Variants in FAM186A observed in about 807,000 individuals in gnomAD.
The protein encoded by FAM186A is family with sequence similarity 186 member A, also known as protein FAM186A.
FAM186A carries 163 observed loss-of-function variants against 216.8 expected under a neutral mutation model. That is an observed-to-expected ratio of 0.75 (90% CI 0.66 to 0.86). The LOEUF (loss-of-function observed/expected upper bound fraction) is 0.86. Ranked by LOEUF, FAM186A falls within the 40% of genes least tolerant of loss-of-function variation. FAM186A has a pLI of 0.00. For synonymous variants in FAM186A, 805 were observed against 1,025.3 expected, an observed-to-expected ratio of 0.79 and a Z score of 4.10; for missense variants, 2,184 against 2,746.2, an observed-to-expected ratio of 0.80 and a Z score of 4.58.
intron 4 of FAM186A, among the ~76,000 whole-genome samples, chr12:50,341,574 T>TA (rs1452880098): frequency 6.6e-6 from 1 of 152,148 alleles, no homozygotes; most frequent in Non-Finnish European, 1.5e-5. Flanking sequence ...CAGTGGCTCA[T>TA]ACCTGTAATC....
chr12:50,351,390 C>G lies in FAM186A; in HGVS notation c.5442G>C (p.Pro1814=). ...CAGGGGAGGGAGGGGCCTGTGGTGC[C>G]GGGAACTGCGCAGAAGTGGATTGAC... ...YGGQSTSAQF[P]APQAPPSPGQ... The change falls in exon 4 of 8, where the codon CCG becomes CCC. Residue 1814 remains proline, a synonymous_variant. Coordinates refer to ENST00000327337, the MANE Select transcript of FAM186A (RefSeq NM_001145475.3). 1 of 1,470,730 alleles carries G rather than the reference C, an allele frequency of 6.8e-7. No individual in the cohort carries two copies. The highest frequency in any genetic ancestry group is 9.0e-7 in the Non-Finnish European group (1 of 1,112,444). 91.1% of individuals were successfully genotyped at this position (1,470,730 alleles called of 1,614,324 possible).
chr12:50,367,122 G>C (rs1257076779), intron 1 of FAM186A, among the ~76,000 whole-genome samples: 1 of 152,144 alleles, frequency 6.6e-6, no homozygotes, highest in Non-Finnish European at 1.5e-5. Context: ...ATTCAACAGT[G>C]AAAGACTGAA....
chr12:50,386,902 T>G (rs1370067919), intron 1 of FAM186A, among the ~76,000 whole-genome samples: 3 of 151,956 alleles, frequency 2.0e-5, no homozygotes, highest in African/African-American at 7.3e-5. Flanking sequence ...ATTCAACTTA[T>G]GATTTCATCC....
At chr12:50,359,094 C>T (rs1943006647) in intron 3 of FAM186A, among the ~76,000 whole-genome samples, 1 of 151,110 alleles carries the variant, frequency 6.6e-6, no homozygotes, top group East Asian at 2.0e-4. Context: ...TTCACAGGTA[C>T]TAGGATGGCC....
chr12:50,378,015 C>T (rs929671435), intron 1 of FAM186A, among the ~76,000 whole-genome samples: 11 of 151,962 alleles, frequency 7.2e-5, no homozygotes, highest in East Asian at 5.8e-4. Context: ...CACCTGAGGT[C>T]GGGAATTTGA....
Position 50,352,830 on chromosome 12 carries a change from A to C in FAM186A, c.4002T>G (p.Thr1334=), listed in dbSNP as rs1942914489. The C allele has an allele frequency of 1.4e-6, 2 of 1,440,680 alleles. No individual in the cohort carries two copies. Among genetic ancestry groups the C allele is most frequent in the Non-Finnish European group, 1.8e-6 (2 of 1,089,544 alleles). 89.2% of individuals were successfully genotyped at this position (1,440,680 alleles called of 1,614,324 possible). A position where few individuals can be genotyped will look rare whatever the true frequency, so the allele number is the denominator to read the frequency against. Residue 1334 remains threonine (T), a synonymous_variant, in exon 4 of 8, where the codon ACT becomes ACG. Transcript: ENST00000327337. ...GIPLTPQQAQ[T]QEITLTPQQA... ...GCTGAGGGGTGAGAGTGATCTCCTG[A>C]GTCTGCGCCTGCTGAGGGGTGAGAG...
At chr12:50,376,567 T>C (rs1565894193) in intron 1 of FAM186A, among the ~76,000 whole-genome samples, 1 of 152,000 alleles carries the variant, frequency 6.6e-6, no homozygotes. Context: ...GTCTGGGGTT[T>C]TTATGGGCTC....
rs567242702 is a variant in FAM186A at position 50,386,363 on chromosome 12, A to T, written c.192+9930T>A. Among the ~76,000 whole-genome samples, 365 of 152,272 alleles carry T rather than the reference A, an allele frequency of 2.4e-3. 2 individuals carry two copies. Among genetic ancestry groups the T allele is most frequent in the Non-Finnish European group, 3.2e-3 (221 of 68,020 alleles). ...CTTGAACCTGGGAGGTGGAGGTTGCAGTGAGCCAAGATCATGCCATTGCAC... is the reference window on the plus strand; with the variant it reads ...CTTGAACCTGGGAGGTGGAGGTTGCTGTGAGCCAAGATCATGCCATTGCAC... On this transcript the variant is annotated intron_variant, in intron 1 of 7. Transcript: ENST00000327337.
At chr12:50,340,799 A>AT (rs11343486) in intron 4 of FAM186A, among the ~76,000 whole-genome samples, 4 of 137,566 alleles carry the variant, frequency 2.9e-5, no homozygotes, top group African/African-American at 8.0e-5. Context: ...ATCTTTTCTA[A>AT]TTTTTTTTTT....
In FAM186A at chr12:50,331,698, T is replaced by C; in HGVS notation, c.6820A>G (p.Arg2274Gly). The change falls in exon 6 of 8, where the codon AGA (arginine) becomes GGA (glycine). Residue 2274 changes from arginine to glycine, a missense_variant. Physicochemically the swap from Arg to Gly is moderately radical, Grantham distance 125. Transcript: ENST00000327337. ...PFLKLLMEED[R>G]TSDICKKFRQ... Reference sequence around the variant, plus strand: ...AATTTCTTGCATATGTCAGAGGTTCTGTCCTCTTCCATTAGTAATTTTAAG... The same window carrying C: ...AATTTCTTGCATATGTCAGAGGTTCCGTCCTCTTCCATTAGTAATTTTAAG... 1 of 1,546,336 alleles carries C rather than the reference T, an allele frequency of 6.5e-7. No homozygotes were observed. Among genetic ancestry groups the C allele is most frequent in the African/African-American group, 1.4e-5 (1 of 72,772 alleles).
rs1942882580 is a variant in FAM186A at position 50,351,647 on chromosome 12, T to C, written c.5185A>G (p.Ile1729Val). Residue 1729 changes from isoleucine to valine, a missense_variant, in exon 4 of 8, where the codon ATA (isoleucine) becomes GTA (valine). Transcript: ENST00000327337. ...CTAAGACTTGGAGACAATCTTGATA[T>C]GATGGATTGCCCAGTGGGGAGAGAA... ...KASLPTGQSI[I>V]SRLSPSLRLS... is the part of the protein sequence containing the mutation. The C allele has an allele frequency of 6.4e-7, 1 of 1,551,594 alleles. No homozygotes were observed. The highest frequency in any genetic ancestry group is 8.7e-7 in the Non-Finnish European group (1 of 1,146,910).
At chr12:50,362,470 C>T (rs909519907) in intron 2 of FAM186A, among the ~76,000 whole-genome samples, 4 of 151,882 alleles carry the variant, frequency 2.6e-5, no homozygotes, top group Admixed American at 6.6e-5. Context: ...GTAGGCCAGG[C>T]GCAGTGGCTC....
chr12:50,358,769 A>G (rs1943002563), intron 3 of FAM186A, among the ~76,000 whole-genome samples: 1 of 151,328 alleles, frequency 6.6e-6, no homozygotes, highest in Non-Finnish European at 1.5e-5. Context: ...CTAAAAATAC[A>G]AAAATTAACC....
intron 7 of FAM186A, among the ~76,000 whole-genome samples, chr12:50,329,256 A>G (rs1384499876): frequency 6.6e-6 from 1 of 152,190 alleles, no homozygotes; most frequent in Non-Finnish European, 1.5e-5. Context: ...GGAAAATGAA[A>G]CTTAAAAATT....
intron 4 of FAM186A, among the ~76,000 whole-genome samples, chr12:50,340,142 T>A (rs923843372): frequency 2.0e-5 from 3 of 152,148 alleles, no homozygotes; most frequent in Admixed American, 2.0e-4. Context: ...CCTGCCTGTC[T>A]TACTGACTTT....
intron 4 of FAM186A, among the ~76,000 whole-genome samples, chr12:50,346,892 T>A (rs1349490706): frequency 6.6e-6 from 1 of 150,870 alleles, no homozygotes; most frequent in Non-Finnish European, 1.5e-5. Flanking sequence ...AAAATCAAAA[T>A]TTTTTGCATA....
rs115966497 is a variant in FAM186A at position 50,373,447 on chromosome 12, C to A, written c.193-10083G>T. ...AATACTAATAGCTCACAAACTTTTC[C>A]AAAAAGTTGAAGAGGAAGGAGCAAT... On this transcript the variant is annotated intron_variant, in intron 1 of 7. Coordinates refer to ENST00000327337, the MANE Select transcript of FAM186A (RefSeq NM_001145475.3). Among the ~76,000 whole-genome samples the A allele has an allele frequency of 7.8e-3, 1,186 of 152,200 alleles. 20 individuals carry two copies. The highest frequency in any genetic ancestry group is 0.025 in the African/African-American group (1,055 of 41,530).
chr12:50,393,388 T>A (rs942185533), intron 1 of FAM186A, among the ~76,000 whole-genome samples: 3 of 148,868 alleles, frequency 2.0e-5, no homozygotes, highest in Non-Finnish European at 4.5e-5. Context: ...AATACAAAAA[T>A]CAACCGGGCA....
chr12:50,364,993 G>GCGC (rs1943073608), intron 1 of FAM186A, among the ~76,000 whole-genome samples: 1 of 134,090 alleles, frequency 7.5e-6, no homozygotes, highest in Non-Finnish European at 1.5e-5. Context: ...AGCCGAGATC[G>GCGC]CACCATTGCA....
Sources: allele counts gnomAD v4.1 joint callset (sites outside exome capture counted in the v4.1 genomes callset), GRCh38; gene constraint gnomAD v4.1.1; transcripts MANE v1.5; gene names NCBI Gene and HGNC (gene_info 2026-07-23, HGNC 2026-07-21).